The following GNAL variants were observed in gnomAD, a reference collection of about 807,000 sequenced individuals.
GNAL encodes G protein subunit alpha L, also known as guanine nucleotide-binding protein G(olf) subunit alpha.
GNAL carries 18 observed loss-of-function variants against 55.1 expected under a neutral mutation model. That is an observed-to-expected ratio of 0.33 (90% CI 0.23 to 0.48). The LOEUF is 0.48. GNAL is among the 20% of genes least tolerant of loss of function. The probability of loss-of-function intolerance (pLI) is 0.99; values close to 1 mark genes in which losing one functional copy is unlikely to be tolerated. For synonymous variants in GNAL, 253 were observed against 237.0 expected (o/e 1.07, Z -0.62); for missense variants, 412 against 614.1 (o/e 0.67, Z 3.48).
Position 11,735,833 on chromosome 18 carries a change from G to GA in GNAL, c.377-17013dup, listed in dbSNP as rs200954053. Reference sequence around the variant, plus strand: ...AGGAAGGAAGGAAGGAAGGAAGGGAGAAAAAAATGCAAGGTCACAGTAAAA... The same window carrying GA: ...AGGAAGGAAGGAAGGAAGGAAGGGAGAAAAAAAATGCAAGGTCACAGTAAAA... On this transcript the variant is annotated intron_variant, in intron 1 of 11. Coordinates refer to ENST00000334049, the MANE Select transcript of GNAL (RefSeq NM_182978.4). 8.8e-3 allele frequency among the ~76,000 whole-genome samples: 1,324 copies of GA among 151,278 alleles called. 19 individuals are homozygous for GA. Among genetic ancestry groups the GA allele is most frequent in the African/African-American group, 0.031 (1,260 of 41,158 alleles).
chr18:11,832,314 C>G (rs1248448665), intron 5 of GNAL, among the ~76,000 whole-genome samples: 1 of 152,110 alleles, frequency 6.6e-6, no homozygotes, highest in Non-Finnish European at 1.5e-5. Flanking sequence ...TTTGAATTCT[C>G]TAAGGAGAGA....
At chr18:11,726,757 T>C (rs111516218) in intron 1 of GNAL, among the ~76,000 whole-genome samples, 3,097 of 152,306 alleles carry the variant, frequency 0.02, 59 homozygotes, top group Middle Eastern at 0.048. Flanking sequence ...AGTCAAAGCA[T>C]GAGATTCACC....
intron 5 of GNAL, chr18:11,853,478 C>T (rs1318078332): frequency 3.6e-5 from 6 of 167,082 alleles, no homozygotes; most frequent in African/African-American, 7.2e-5. Flanking sequence ...TTTTTTTTAA[C>T]TTACCCTTTC....
rs75433892 is a variant in GNAL at position 11,712,923 on chromosome 18, G to A, written c.376+22984G>A. 1.1e-3 allele frequency among the ~76,000 whole-genome samples: 164 copies of A among 152,288 alleles called. 4 individuals are homozygous for A. In the East Asian group the frequency reaches 0.03, roughly 28 times the overall value. Reference sequence around the variant, plus strand: ...CCCTCGTGGGCAAGGGATGAGAGAGGTGAGAAAAAGAAGGAGAGAGAAGGA... The same window carrying A: ...CCCTCGTGGGCAAGGGATGAGAGAGATGAGAAAAAGAAGGAGAGAGAAGGA... On this transcript the variant is annotated intron_variant, in intron 1 of 11. Transcript: ENST00000334049.
intron 5 of GNAL, among the ~76,000 whole-genome samples, chr18:11,826,957 G>A (rs1182576596): frequency 6.6e-6 from 1 of 152,124 alleles, no homozygotes; most frequent in African/African-American, 2.4e-5. Context: ...CTCTGGGCCT[G>A]AGAAAGTTCA....
At chr18:11,820,198 G>A (rs2035057259) in intron 4 of GNAL, among the ~76,000 whole-genome samples, 1 of 152,058 alleles carries the variant, frequency 6.6e-6, no homozygotes, top group South Asian at 2.1e-4. Flanking sequence ...CTCTTTTTTA[G>A]GCAGAAAGGG....
intron 4 of GNAL, among the ~76,000 whole-genome samples, chr18:11,764,115 G>GT (rs1266882781): frequency 6.6e-6 from 1 of 151,340 alleles, no homozygotes; most frequent in East Asian, 1.9e-4. Context: ...TTGTTTTTTT[G>GT]TTTTTTTGAG....
At chr18:11,735,821 G>A (rs2032450106) in intron 1 of GNAL, among the ~76,000 whole-genome samples, 1 of 150,724 alleles carries the variant, frequency 6.6e-6, no homozygotes, top group South Asian at 2.1e-4. Flanking sequence ...AAGGAAGGAA[G>A]GAAGGAAGGG....
intron 4 of GNAL, among the ~76,000 whole-genome samples, chr18:11,807,941 C>T (rs1015448997): frequency 6.6e-6 from 1 of 151,938 alleles, no homozygotes; most frequent in Non-Finnish European, 1.5e-5. Flanking sequence ...AGATGAGGAC[C>T]AAGGTCCCCT....
chr18:11,867,298 C>A, intron 8 of GNAL, 72 bp downstream of exon 8: 2 of 902,446 alleles, frequency 2.2e-6, no homozygotes, highest in South Asian at 2.7e-5. Context: ...CTTAACTATT[C>A]TTGAATTAGA....
chr18:11,725,995 C>T (rs1281533359), intron 1 of GNAL, among the ~76,000 whole-genome samples: 1 of 152,212 alleles, frequency 6.6e-6, no homozygotes, highest in Non-Finnish European at 1.5e-5. Context: ...GGTCCCAGCA[C>T]CATCTTTTGA....
chr18:11,748,334 A>ACTCAGCCT (rs1476170541), intron 1 of GNAL, among the ~76,000 whole-genome samples: 1 of 152,124 alleles, frequency 6.6e-6, no homozygotes, highest in Non-Finnish European at 1.5e-5. Context: ...TACTCTTCTT[A>ACTCAGCCT]CTCAGCCTCT....
intron 4 of GNAL, among the ~76,000 whole-genome samples, chr18:11,821,353 A>C (rs2035084181): frequency 6.6e-6 from 1 of 152,236 alleles, no homozygotes; most frequent in South Asian, 2.1e-4. Context: ...AAACACAGGC[A>C]GTGGAATAAG....
chr18:11,698,352 G>A (rs1021840116), intron 1 of GNAL, among the ~76,000 whole-genome samples: 4 of 151,978 alleles, frequency 2.6e-5, no homozygotes, highest in African/African-American at 7.3e-5. Context: ...TTAACTGGGC[G>A]TGGTGGTGCA....
chr18:11,786,504 A>G (rs947075845), intron 4 of GNAL, among the ~76,000 whole-genome samples: 22 of 115,320 alleles, frequency 1.9e-4, no homozygotes, highest in African/African-American at 7.2e-4. Context: ...GCTGGAGTGC[A>G]GTGGCGCTGT....
chr18:11,735,841 T>C (rs1197006038), intron 1 of GNAL, among the ~76,000 whole-genome samples: 1 of 149,296 alleles, frequency 6.7e-6, no homozygotes, highest in African/African-American at 2.5e-5. Context: ...GAGAAAAAAA[T>C]GCAAGGTCAC....
At chr18:11,713,306 G>C (rs1384560078) in intron 1 of GNAL, among the ~76,000 whole-genome samples, 3 of 152,260 alleles carry the variant, frequency 2.0e-5, no homozygotes, top group African/African-American at 7.2e-5. Context: ...AAAGGCTTCA[G>C]ATATTCCCTG....
In GNAL at chr18:11,751,488, A is replaced by G. The variant is rs938843138; in HGVS notation, c.377-1365A>G. On this transcript the variant is annotated intron_variant, in intron 1 of 11. Transcript: ENST00000334049. The surrounding 1 kb of genome is among the most constrained non-coding windows in gnomAD (Gnocchi z 4.5). ...AGCTGGAATAGTCTAGAAGCTGAGC[A>G]GAACAAAGGCGGTGTGACTGGTGAG... 1.0e-6 allele frequency: 1 copy of G among 985,324 alleles called. No individual in the cohort carries two copies. The highest frequency in any genetic ancestry group is 1.7e-5 in the African/African-American group (1 of 57,270). The allele number at this position is 985,324 out of a possible 1,614,324, so 61.0% of individuals were successfully genotyped here.
chr18:11,780,138 C>T (rs1371716710), intron 4 of GNAL, among the ~76,000 whole-genome samples: 1 of 152,158 alleles, frequency 6.6e-6, no homozygotes, highest in Non-Finnish European at 1.5e-5. Context: ...ACAAGTATAT[C>T]TCTGTGACAA....
Sources: gnomAD v4.1 joint callset for allele counts (sites outside exome capture counted in the v4.1 genomes callset) on GRCh38, gnomAD v4.1.1 for gene constraint, Gnocchi (gnomAD v3.1) non-coding constraint, MANE v1.5 for transcripts, NCBI Gene and HGNC (gene_info 2026-07-23, HGNC 2026-07-21) for gene names.